CWH43: variants seen among roughly 807,000 people sequenced by gnomAD.
CWH43 encodes cell wall biogenesis 43 C-terminal homolog, also known as PGAP2-interacting protein.
A neutral mutation model predicts 85.7 loss-of-function variants in CWH43; 91 were observed. That is an observed-to-expected ratio of 1.06 (90% CI 0.90 to 1.26). CWH43 has a LOEUF of 1.26. CWH43 is among the 50% of genes most tolerant of loss of function. CWH43 has a pLI of 0.00. For synonymous variants in CWH43, 323 were observed against 293.6 expected (o/e 1.10, Z -1.02); for missense variants, 869 against 839.2 (o/e 1.04, Z -0.44).
chr4:49,004,304 G>A (rs543860943), intron 7 of CWH43, among the ~76,000 whole-genome samples: 38 of 152,316 alleles, frequency 2.5e-4, no homozygotes, highest in South Asian at 2.3e-3. Flanking sequence ...TATACGATGC[G>A]TTAGGAAAAG....
intron 13 of CWH43, among the ~76,000 whole-genome samples, chr4:49,043,035 C>T (rs1320949152): frequency 6.6e-6 from 1 of 152,164 alleles, no homozygotes; most frequent in African/African-American, 2.4e-5. Context: ...GGACCTCTCT[C>T]TCTTCTCATG....
Position 49,038,469 on chromosome 4 carries a change from T to C in CWH43, c.1803+289T>C, listed in dbSNP as rs551650743. ...ATCTACTTCATAGGTGATTTATAGG[T>C]CGCAAGTTGTGCTTTAGGCTTGGGA... On this transcript the variant is annotated intron_variant, in intron 13 of 15. Transcript: ENST00000226432. Among the ~76,000 whole-genome samples, 7 of 152,294 alleles carry C rather than the reference T, an allele frequency of 4.6e-5. No homozygotes were observed. The South Asian group carries it at 1.0e-3, about 23-fold the overall frequency.
intron 13 of CWH43, among the ~76,000 whole-genome samples, chr4:49,038,438 T>C (rs960282864): frequency 6.6e-6 from 1 of 152,160 alleles, no homozygotes; most frequent in Non-Finnish European, 1.5e-5. Context: ...AACCAAGGAC[T>C]GGAGGATCTA....
At chr4:49,057,441 C>G (rs906214761) in intron 15 of CWH43, among the ~76,000 whole-genome samples, 2 of 152,176 alleles carry the variant, frequency 1.3e-5, no homozygotes, top group African/African-American at 4.8e-5. Context: ...ATGCATTTAT[C>G]TCAGTGAGCA....
At chr4:49,040,956 G>A (rs1303164233) in intron 13 of CWH43, among the ~76,000 whole-genome samples, 1 of 152,114 alleles carries the variant, frequency 6.6e-6, no homozygotes, top group Non-Finnish European at 1.5e-5. Context: ...TCAGCTTTCT[G>A]CATATGGTTA....
intron 14 of CWH43, among the ~76,000 whole-genome samples, chr4:49,047,272 C>T (rs1276334031): frequency 1.3e-5 from 2 of 152,154 alleles, no homozygotes; most frequent in Non-Finnish European, 2.9e-5. Context: ...CTCTAGACTC[C>T]ATTTGCCATT....
rs778363560 is a variant in CWH43, at chr4:49,003,756, T to C, written c.824T>C (p.Leu275Pro). The change falls in exon 7 of 16, where the codon CTC becomes CCC. Residue 275 changes from leucine (L) to proline (P), a missense_variant. Physicochemically the swap from Leu to Pro is moderately conservative, Grantham distance 98. This residue lies in a region of CWH43 where 577 missense variants were observed against 513.1 expected (regional missense o/e 1.12). Coordinates refer to ENST00000226432, the MANE Select transcript of CWH43 (RefSeq NM_025087.3). ...WVTGTASAAG[L>P]LYLHTWAAAV... ...ACAGGAACAGCTTCAGCTGCGGGGC[T>C]CCTTTACCTGCACACATGGGCAGCT... The C allele has an allele frequency of 4.3e-6, 7 of 1,613,808 alleles. No homozygotes were observed. In the African/African-American group the frequency reaches 5.3e-5, roughly 12 times the overall value.
At chr4:49,017,985 G>A (rs930773462) in intron 9 of CWH43, among the ~76,000 whole-genome samples, 1 of 151,972 alleles carries the variant, frequency 6.6e-6, no homozygotes, top group Non-Finnish European at 1.5e-5. Flanking sequence ...TAGGCGGTGT[G>A]CCACCATGCC....
chr4:49,028,926 C>G (rs543506107), intron 10 of CWH43, among the ~76,000 whole-genome samples, 192 bp downstream of exon 10: 1 of 152,284 alleles, frequency 6.6e-6, no homozygotes, highest in African/African-American at 2.4e-5. Flanking sequence ...TGTAACCACT[C>G]CTGTCTTTGT....
At chr4:49,027,291 G>A (rs899010034) in intron 9 of CWH43, among the ~76,000 whole-genome samples, 8 of 152,226 alleles carry the variant, frequency 5.3e-5, no homozygotes, top group African/African-American at 1.4e-4. Flanking sequence ...GTTGGGTGAG[G>A]AGAAGGAAGG....
At chr4:48,991,673 C>T in intron 3 of CWH43, 99 bp downstream of exon 3, 1 of 1,367,048 alleles carries the variant, frequency 7.3e-7, no homozygotes, top group Non-Finnish European at 1.0e-6. Flanking sequence ...TTTTACCTTC[C>T]ATATGGCTTT....
intron 7 of CWH43, among the ~76,000 whole-genome samples, chr4:49,005,655 C>T (rs756536078): frequency 3.3e-5 from 5 of 151,568 alleles, no homozygotes; most frequent in Admixed American, 3.3e-4. Context: ...GAGCTCCCCC[C>T]TCAACCTCCC....
At chr4:48,995,989 C>T (rs1270473827) in intron 5 of CWH43, among the ~76,000 whole-genome samples, 1 of 151,748 alleles carries the variant, frequency 6.6e-6, no homozygotes. Flanking sequence ...CTGGTGGCCC[C>T]CAATTCTCCC....
chr4:49,050,018 G>T (rs1784745253), intron 14 of CWH43, among the ~76,000 whole-genome samples: 1 of 152,200 alleles, frequency 6.6e-6, no homozygotes, highest in African/African-American at 2.4e-5. Flanking sequence ...GTGCCTGCAT[G>T]TAGTAGGCAC....
chr4:49,041,845 G>T (rs183332246), intron 13 of CWH43, among the ~76,000 whole-genome samples: 17 of 152,252 alleles, frequency 1.1e-4, no homozygotes, highest in African/African-American at 3.9e-4. Flanking sequence ...GCAAGTCCCA[G>T]AAACTGATCT....
At chr4:49,039,808 A>G (rs1262144010) in intron 13 of CWH43, among the ~76,000 whole-genome samples, 2 of 151,746 alleles carry the variant, frequency 1.3e-5, no homozygotes, top group East Asian at 3.9e-4. Flanking sequence ...GGTTTGTTAC[A>G]TATGTATACA....
At chr4:48,989,375 C>T (rs556634448) in intron 2 of CWH43, among the ~76,000 whole-genome samples, 11 of 152,206 alleles carry the variant, frequency 7.2e-5, no homozygotes, top group Admixed American at 2.0e-4. Context: ...ATTGCTTGTG[C>T]GAGTGTCCAT....
chr4:49,008,441 T>A (rs544833852), intron 8 of CWH43, among the ~76,000 whole-genome samples: 5 of 152,316 alleles, frequency 3.3e-5, no homozygotes, highest in African/African-American at 1.2e-4. Flanking sequence ...TTCACTCTGA[T>A]GGTAGTTTCT....
intron 12 of CWH43, among the ~76,000 whole-genome samples, chr4:49,036,584 A>T (rs761880922): frequency 2.0e-5 from 3 of 152,124 alleles, no homozygotes; most frequent in Non-Finnish European, 2.9e-5. Flanking sequence ...TTTCCCCCTT[A>T]ACACTCATGT....
Sources: allele counts gnomAD v4.1 joint callset (sites outside exome capture counted in the v4.1 genomes callset), GRCh38; gene constraint gnomAD v4.1.1; regional missense constraint gnomAD v4.1.1; transcripts MANE v1.5; gene names NCBI Gene and HGNC (gene_info 2026-07-23, HGNC 2026-07-21).